Variants in TENM4 observed in about 807,000 individuals in gnomAD.
TENM4 encodes teneurin-4.
A neutral mutation model predicts 243.3 loss-of-function variants in TENM4; 82 were observed. That is an observed-to-expected ratio of 0.34 (90% confidence interval 0.28 to 0.40). TENM4 has a LOEUF of 0.40. TENM4 is among the 10% of genes least tolerant of loss of function. The pLI, the probability that TENM4 is intolerant of heterozygous loss-of-function variation, is 1.00. For synonymous variants in TENM4, 1,412 were observed against 1,456.3 expected, an observed-to-expected ratio of 0.97 and a Z score of 0.69; for missense variants, 3,138 against 3,673.3, an observed-to-expected ratio of 0.85 and a Z score of 3.77.
intron 12 of TENM4, among the ~76,000 whole-genome samples, chr11:78,829,131 T>C (rs981788439): frequency 6.6e-6 from 1 of 152,218 alleles, no homozygotes; most frequent in Non-Finnish European, 1.5e-5. Context: ...CCTGGGTCCC[T>C]GGTTCTTTCT....
At chr11:79,273,923 C>T (rs571669785) in intron 2 of TENM4, among the ~76,000 whole-genome samples, 3 of 152,292 alleles carry the variant, frequency 2.0e-5, no homozygotes, top group Non-Finnish European at 2.9e-5. Context: ...CCAGGGGCAG[C>T]GGGCTGGCAA....
intron 3 of TENM4, among the ~76,000 whole-genome samples, chr11:79,164,727 C>T (rs2135099492): frequency 6.6e-6 from 1 of 151,378 alleles, no homozygotes; most frequent in South Asian, 2.1e-4. Flanking sequence ...CCATGCTATT[C>T]TCATGATAGT....
intron 31 of TENM4, among the ~76,000 whole-genome samples, chr11:78,671,088 C>G (rs1257937094): frequency 6.6e-6 from 1 of 152,208 alleles, no homozygotes; most frequent in African/African-American, 2.4e-5. Context: ...CTCCCTGTGG[C>G]TTACAGCACG....
intron 1 of TENM4, among the ~76,000 whole-genome samples, chr11:79,402,363 C>T (rs754333774): frequency 3.4e-4 from 52 of 152,308 alleles, no homozygotes; most frequent in Middle Eastern, 3.4e-3. Flanking sequence ...CAACATTTTA[C>T]AACTTATTTT....
intron 1 of TENM4, among the ~76,000 whole-genome samples, chr11:79,397,911 C>T (rs960540797): frequency 5.3e-5 from 8 of 152,154 alleles, no homozygotes; most frequent in Non-Finnish European, 8.8e-5. Context: ...TCTGGAAATG[C>T]CAGCTCTGTC....
rs1005910088 is a variant in TENM4, at chr11:78,938,831, G to A, written c.494-35308C>T. ...GGGTTTGGGGACTTGTATACTAAATGCAACTCCAAACAAGCTTGGAGTATA... is the reference window on the plus strand; with the variant it reads ...GGGTTTGGGGACTTGTATACTAAATACAACTCCAAACAAGCTTGGAGTATA... On this transcript the variant is annotated intron_variant, in intron 6 of 33. Coordinates refer to ENST00000278550, the MANE Select transcript of TENM4 (RefSeq NM_001098816.3). Among the ~76,000 whole-genome samples the A allele has an allele frequency of 5.3e-5, 8 of 152,254 alleles. No homozygotes were observed. The East Asian group carries it at 1.5e-3, about 29-fold the overall frequency.
At chr11:78,919,887 C>T (rs1215580018) in intron 6 of TENM4, among the ~76,000 whole-genome samples, 2 of 152,150 alleles carry the variant, frequency 1.3e-5, no homozygotes, top group African/African-American at 4.8e-5. Context: ...AACTCAGAGG[C>T]TGAAACACCG....
chr11:79,244,126 C>T (rs1163298775), intron 2 of TENM4, among the ~76,000 whole-genome samples: 4 of 152,174 alleles, frequency 2.6e-5, no homozygotes, highest in African/African-American at 9.7e-5. Context: ...CTGGGTCCCA[C>T]CCCCAGAGTT....
chr11:78,933,023 G>A (rs1028494599), intron 6 of TENM4, among the ~76,000 whole-genome samples: 14 of 152,120 alleles, frequency 9.2e-5, no homozygotes, highest in Non-Finnish European at 7.4e-5. Context: ...TGTTCCACAG[G>A]GGAGATTGAT....
intron 6 of TENM4, among the ~76,000 whole-genome samples, chr11:78,958,406 C>T (rs184299969): frequency 1.2e-4 from 18 of 152,346 alleles, no homozygotes; most frequent in African/African-American, 4.3e-4. Flanking sequence ...TAACCACTTC[C>T]TTTGCTTTTT....
chr11:78,998,930 A>G (rs1858244586), intron 6 of TENM4, among the ~76,000 whole-genome samples: 1 of 152,234 alleles, frequency 6.6e-6, no homozygotes, highest in Non-Finnish European at 1.5e-5. Context: ...GCATACATAC[A>G]GGAGATGTAA....
intron 1 of TENM4, among the ~76,000 whole-genome samples, chr11:79,423,587 C>T (rs950876976): frequency 4.9e-5 from 7 of 142,102 alleles, no homozygotes; most frequent in African/African-American, 1.9e-4. Flanking sequence ...TACAAATTTC[C>T]AATTCATACT....
At chr11:78,920,734 T>C (rs1025137349) in intron 6 of TENM4, among the ~76,000 whole-genome samples, 16 of 152,186 alleles carry the variant, frequency 1.1e-4, no homozygotes, top group Non-Finnish European at 2.4e-4. Context: ...TGTGTGTATA[T>C]ATATATAAAA....
intron 1 of TENM4, among the ~76,000 whole-genome samples, chr11:79,351,565 G>T (rs890906960): frequency 6.6e-6 from 1 of 152,082 alleles, no homozygotes; most frequent in Non-Finnish European, 1.5e-5. Context: ...AATTAGCCAG[G>T]CGTGATTGGC....
chr11:78,800,359 A>G (rs1246508515), intron 15 of TENM4, among the ~76,000 whole-genome samples: 2 of 152,140 alleles, frequency 1.3e-5, no homozygotes, highest in Non-Finnish European at 2.9e-5. Flanking sequence ...CTTGTCCAGG[A>G]GGGCTTCTGG....
intron 6 of TENM4, among the ~76,000 whole-genome samples, chr11:78,970,936 A>G (rs1857530650): frequency 6.6e-6 from 1 of 152,184 alleles, no homozygotes. Context: ...TGGGCAATAG[A>G]AAATTTTTAA....
chr11:78,828,516 G>A (rs1173532602), intron 12 of TENM4, among the ~76,000 whole-genome samples: 5 of 152,182 alleles, frequency 3.3e-5, no homozygotes, highest in East Asian at 1.9e-4. Context: ...ATTATAATGC[G>A]TGTTGGTCAG....
At chr11:79,280,651 G>T (rs1226947571) in intron 2 of TENM4, among the ~76,000 whole-genome samples, 2 of 152,334 alleles carry the variant, frequency 1.3e-5, no homozygotes, top group East Asian at 3.9e-4. Flanking sequence ...CTCCAAGCCT[G>T]TGGCTCCTGT....
intron 3 of TENM4, among the ~76,000 whole-genome samples, chr11:79,192,573 G>T (rs1863538733): frequency 6.6e-6 from 1 of 151,684 alleles, no homozygotes; most frequent in Non-Finnish European, 1.5e-5. Context: ...AAGGCAGCAT[G>T]CTCGTTTAAG....
Sources: gnomAD v4.1 joint callset for allele counts (sites outside exome capture counted in the v4.1 genomes callset) on GRCh38, gnomAD v4.1.1 for gene constraint, MANE v1.5 for transcripts, NCBI Gene and HGNC (gene_info 2026-07-23, HGNC 2026-07-21) for gene names.